The following RBM14 variants were observed in gnomAD, a reference collection of about 807,000 sequenced individuals.
RBM14 encodes the protein RNA binding motif protein 14.
In RBM14, 5 loss-of-function variants were observed where a neutral mutation model predicts 52.8. The ratio of observed to expected loss-of-function variants is 0.09; its 90% CI spans 0.05 to 0.20. The LOEUF (loss-of-function observed/expected upper bound fraction) is 0.20, where lower values mean the gene tolerates loss of function less well. RBM14 is among the 10% of genes least tolerant of loss of function. The pLI, the probability that RBM14 is intolerant of heterozygous loss-of-function variation, is 1.00. For missense variants in RBM14, 780 were observed against 926.6 expected, an observed-to-expected ratio of 0.84 and a Z score of 2.05; for synonymous variants, 411 against 401.8, an observed-to-expected ratio of 1.02 and a Z score of -0.28.
chr11:66,623,805 C>T (rs1278081927), intron 1 of RBM14: 3 of 702,494 alleles, frequency 4.3e-6, no homozygotes, highest in Non-Finnish European at 8.0e-6. Flanking sequence ...TGAGCTAGGC[C>T]TCAAAGGTGT....
At chr11:66,621,794 A>G (rs1343895663) in intron 1 of RBM14, among the ~76,000 whole-genome samples, 1 of 152,234 alleles carries the variant, frequency 6.6e-6, no homozygotes, top group African/African-American at 2.4e-5. Flanking sequence ...CTAGGTTTGA[A>G]TAATCATAAT....
intron 1 of RBM14, chr11:66,619,395 C>T (rs1202887624): frequency 2.0e-5 from 3 of 152,128 alleles, no homozygotes. Flanking sequence ...TGTAACCACT[C>T]CACAGCTTCC....
Position 66,628,444 on chromosome 11 carries a change from A to G in RBM14, c.*1776A>G, listed in dbSNP as rs147961535. On this transcript the variant is annotated 3_prime_UTR_variant, in exon 3 of 3. Coordinates refer to ENST00000310137, the MANE Select transcript of RBM14 (RefSeq NM_006328.4). ...CCTGTGACAGAATATCTTGCCCTAGATGTCCTCTTCCCTCTTGCCATCGTG... is the reference window on the plus strand; with the variant it reads ...CCTGTGACAGAATATCTTGCCCTAGGTGTCCTCTTCCCTCTTGCCATCGTG... Among the ~76,000 whole-genome samples, 10 of 152,248 alleles carry G rather than the reference A, an allele frequency of 6.6e-5. No homozygotes were observed. The highest frequency in any genetic ancestry group is 5.8e-4 in the East Asian group (3 of 5,186).
intron 1 of RBM14, chr11:66,618,701 T>C (rs148172593): frequency 7.5e-4 from 468 of 624,370 alleles, no homozygotes; most frequent in African/African-American, 6.8e-3. Context: ...CAAGTTTCTT[T>C]TGTGGTTGTT....
rs1318231011 is a variant in RBM14 at position 66,628,623 on chromosome 11, C to T, written c.*1955C>T. On this transcript the variant is annotated 3_prime_UTR_variant, in exon 3 of 3. Coordinates refer to ENST00000310137, the MANE Select transcript of RBM14 (RefSeq NM_006328.4). ...TTAGCTGCTCCTTTTTATTTCTTTGCAGGACTGGGAAAGCATGGGAGGAGG... is the reference window on the plus strand; with the variant it reads ...TTAGCTGCTCCTTTTTATTTCTTTGTAGGACTGGGAAAGCATGGGAGGAGG... Among the ~76,000 whole-genome samples the T allele has an allele frequency of 6.6e-6, 1 of 152,094 alleles. No individual in the cohort carries two copies. Among genetic ancestry groups the T allele is most frequent in the African/African-American group, 2.4e-5 (1 of 41,400 alleles).
intron 1 of RBM14, chr11:66,623,770 G>T: frequency 1.5e-6 from 1 of 658,614 alleles, no homozygotes; most frequent in South Asian, 1.7e-5. Flanking sequence ...GTCATTTCCA[G>T]TGTTTGAGAG....
At chr11:66,617,536 G>A in intron 1 of RBM14, 1 of 990,660 alleles carries the variant, frequency 1.0e-6, no homozygotes, top group Non-Finnish European at 1.2e-6. Context: ...CCCGATGAAT[G>A]TGCTCAAGCG....
Position 66,624,074 on chromosome 11 carries a change from A to G in RBM14, c.338-140A>G. The G allele has an allele frequency of 7.1e-7, 1 of 1,403,468 alleles. No individual in the cohort carries two copies. The highest frequency in any genetic ancestry group is 9.9e-7 in the Non-Finnish European group (1 of 1,009,686). The allele number at this position is 1,403,468 out of a possible 1,614,324, so 86.9% of individuals were successfully genotyped here. ...TGTTATATGGGAGCTACATTTTATG[A>G]CATACTCCTGGAGAGGAGGGTTTGG... is the stretch of plus-strand genomic sequence containing the variant. On this transcript the variant is annotated intron_variant, in intron 1 of 2. Transcript: ENST00000310137. This position sits in a 1 kb window ranked among gnomAD's most constrained non-coding sequence, Gnocchi z 4.7.
intron 1 of RBM14, among the ~76,000 whole-genome samples, chr11:66,621,400 G>A (rs937121342): frequency 7.3e-5 from 11 of 151,522 alleles, no homozygotes; most frequent in Non-Finnish European, 1.5e-4. Context: ...TTTTTGAGAG[G>A]GAGTTTCATC....
rs749364130 is a variant in RBM14 at position 66,625,114 on chromosome 11, A to G, written c.1238A>G (p.Gln413Arg). The G allele has an allele frequency of 1.9e-6, 3 of 1,613,152 alleles. No homozygotes were observed. Among genetic ancestry groups the G allele is most frequent in the Non-Finnish European group, 2.5e-6 (3 of 1,179,966 alleles). Residue 413 changes from glutamine (Q) to arginine (R), a missense_variant, in exon 2 of 3, where the codon CAG becomes CGG. This residue lies in a region of RBM14 where 675 missense variants were observed against 697.3 expected (regional missense o/e 0.97). Coordinates refer to ENST00000310137, the MANE Select transcript of RBM14 (RefSeq NM_006328.4). This position sits in a 1 kb window ranked among gnomAD's most constrained non-coding sequence, Gnocchi z 4.2. The part of the protein sequence containing the change: ...NAQPSASYNA[Q>R]SAPYAAQQAA... ...CAGCCCTCGGCCTCTTACAATGCCC[A>G]GTCTGCCCCATATGCTGCACAGCAG...
At position 66,628,937 on chromosome 11, in the gene RBM14, G is replaced by A. The variant is rs1277188528; in HGVS notation, c.*2269G>A. Among the ~76,000 whole-genome samples, 1 of 152,140 alleles carries A rather than the reference G, an allele frequency of 6.6e-6. No homozygotes were observed. The highest frequency in any genetic ancestry group is 2.4e-5 in the African/African-American group (1 of 41,422). ...TGTTGCAGCCCCAGCTCTTGAAAGT[G>A]ACCTGGCCCAGATGAGCTCTGCCTG... On this transcript the variant is annotated 3_prime_UTR_variant, in exon 3 of 3. Transcript: ENST00000310137.
At chr11:66,617,239 C>A in intron 1 of RBM14, 182 bp downstream of exon 1, 2 of 1,405,354 alleles carry the variant, frequency 1.4e-6, no homozygotes, top group Non-Finnish European at 1.8e-6. Context: ...GTCCAGGAAC[C>A]GTCCACCAAG....
At position 66,616,788 on chromosome 11, in the gene RBM14, C is replaced by T; in HGVS notation, c.68C>T (p.Ala23Val). 1 of 1,608,062 alleles carries T rather than the reference C, an allele frequency of 6.2e-7. No individual in the cohort carries two copies. The highest frequency in any genetic ancestry group is 8.5e-7 in the Non-Finnish European group (1 of 1,176,056). The change falls in exon 1 of 3, where the codon GCG becomes GTG. Residue 23 changes from alanine to valine, a missense_variant. Physicochemically the swap from Ala to Val is moderately conservative, Grantham distance 64. Coordinates refer to ENST00000310137, the MANE Select transcript of RBM14 (RefSeq NM_006328.4). ...TTPEELAALF[A>V]PYGTVMSCAV... ...CCGGAGGAGCTGGCAGCCCTCTTTG[C>T]GCCCTACGGCACGGTCATGAGCTGC... is the stretch of plus-strand genomic sequence containing the variant.
chr11:66,618,471 CT>C, intron 1 of RBM14: 2 of 717,400 alleles, frequency 2.8e-6, no homozygotes, highest in Non-Finnish European at 5.2e-6. Flanking sequence ...TGCATTAATA[CT>C]GCATTCTATT....
At chr11:66,617,100 A>C in intron 1 of RBM14, 43 bp downstream of exon 1, 1 of 1,539,766 alleles carries the variant, frequency 6.5e-7, no homozygotes, top group Non-Finnish European at 8.7e-7. Flanking sequence ...CGCTCGGGGC[A>C]CTCTGCCTGT....
intron 2 of RBM14, 112 bp from the exon 3 acceptor site, chr11:66,626,347 CTT>C (rs748972199): frequency 2.3e-5 from 25 of 1,074,110 alleles, no homozygotes; most frequent in Non-Finnish European, 3.3e-5. Context: ...AGACCAATCT[CTT>C]GGAGACCACT....
rs1334866148 is a variant in RBM14 at position 66,629,100 on chromosome 11, T to G, written c.*2432T>G. ...GTTTTAAAATCTCCCTCCCCTCTTTTATTTTAATTATGCCACCTGTGTTAA... is the reference window on the plus strand; with the variant it reads ...GTTTTAAAATCTCCCTCCCCTCTTTGATTTTAATTATGCCACCTGTGTTAA... On this transcript the variant is annotated 3_prime_UTR_variant, in exon 3 of 3. Coordinates refer to ENST00000310137, the MANE Select transcript of RBM14 (RefSeq NM_006328.4). Among the ~76,000 whole-genome samples, 1 of 152,254 alleles carries G rather than the reference T, an allele frequency of 6.6e-6. No individual in the cohort carries two copies. Among genetic ancestry groups the G allele is most frequent in the African/African-American group, 2.4e-5 (1 of 41,478 alleles).
At chr11:66,618,122 T>A (rs1858929100) in intron 1 of RBM14, among the ~76,000 whole-genome samples, 1 of 152,238 alleles carries the variant, frequency 6.6e-6, no homozygotes. Context: ...TTAAGCTCTT[T>A]ATCTTTTACA....
chr11:66,621,399 G>A (rs997913260), intron 1 of RBM14, among the ~76,000 whole-genome samples: 1 of 151,266 alleles, frequency 6.6e-6, no homozygotes. Context: ...TTTTTTGAGA[G>A]GGAGTTTCAT....
Sources: allele counts gnomAD v4.1 joint callset (sites outside exome capture counted in the v4.1 genomes callset), GRCh38; gene constraint gnomAD v4.1.1; regional missense constraint gnomAD v4.1.1; non-coding constraint Gnocchi (gnomAD v3.1); transcripts MANE v1.5; gene names NCBI Gene and HGNC (gene_info 2026-07-23, HGNC 2026-07-21).